The following ASIC2 variants were observed in gnomAD, a reference collection of about 807,000 sequenced individuals.
ASIC2 encodes the protein acid sensing ion channel subunit 2.
A neutral mutation model predicts 57.3 loss-of-function variants in ASIC2; 25 were observed. That is an observed-to-expected ratio of 0.44 (90% CI 0.32 to 0.61). The LOEUF (loss-of-function observed/expected upper bound fraction) is 0.61, where lower values mean the gene tolerates loss of function less well. Ranked by LOEUF, ASIC2 falls within the 20% of genes least tolerant of loss-of-function variation. The pLI, the probability that ASIC2 is intolerant of heterozygous loss-of-function variation, is 0.06. For synonymous variants in ASIC2, 319 were observed against 307.5 expected (o/e 1.04, Z -0.39); for missense variants, 641 against 738.1 (o/e 0.87, Z 1.52).
chr17:33,318,956 G>T (rs1056569888), intron 1 of ASIC2, among the ~76,000 whole-genome samples: 4 of 152,204 alleles, frequency 2.6e-5, no homozygotes, highest in African/African-American at 4.8e-5. Flanking sequence ...GATGGAGAAA[G>T]TCTGTGGGAA....
chr17:33,873,128 T>C (rs1914462043), intron 1 of ASIC2, among the ~76,000 whole-genome samples: 1 of 152,240 alleles, frequency 6.6e-6, no homozygotes, highest in Non-Finnish European at 1.5e-5. Flanking sequence ...CAGAGTGTAC[T>C]ATCTCTCTAA....
At chr17:33,144,177 A>G (rs1327251374) in intron 1 of ASIC2, among the ~76,000 whole-genome samples, 1 of 152,122 alleles carries the variant, frequency 6.6e-6, no homozygotes, top group African/African-American at 2.4e-5. Context: ...AACGAAAAAC[A>G]AAAACAAAAA....
At chr17:34,021,837 G>A (rs1039507356) in intron 1 of ASIC2, among the ~76,000 whole-genome samples, 92 of 118,320 alleles carry the variant, frequency 7.8e-4, no homozygotes, top group Middle Eastern at 9.5e-3. Flanking sequence ...GTTTTGTTTT[G>A]TTTTTTTTTT....
chr17:33,880,018 C>T (rs1475235597), intron 1 of ASIC2, among the ~76,000 whole-genome samples: 16 of 152,086 alleles, frequency 1.1e-4, no homozygotes, highest in African/African-American at 2.7e-4. Flanking sequence ...GGGTACATAA[C>T]GAAATGAAGG....
At chr17:33,174,577 G>A (rs560340138) in intron 1 of ASIC2, among the ~76,000 whole-genome samples, 1 of 152,246 alleles carries the variant, frequency 6.6e-6, no homozygotes, top group African/African-American at 2.4e-5. Context: ...CATCTTAGTG[G>A]GGGCGCGATG....
chr17:33,827,495 CTATTTTTTGT>C (rs1567727069), intron 1 of ASIC2, among the ~76,000 whole-genome samples: 5 of 94,096 alleles, frequency 5.3e-5, no homozygotes, highest in Non-Finnish European at 6.7e-5. Context: ...CCATGCCTGG[CTATTTTTTGT>C]CTTTTTTTTT....
Position 33,767,330 on chromosome 17 carries a change from T to C in ASIC2, c.555+388648A>G, listed in dbSNP as rs1910964223. ...AAATCAGACCACTGGAAATGTACCT[T>C]ATGATGTTGAAGGAAACTCACTCAG... On this transcript the variant is annotated intron_variant, in intron 1 of 9. Transcript: ENST00000359872. Among the ~76,000 whole-genome samples, 3 of 152,326 alleles carry C rather than the reference T, an allele frequency of 2.0e-5. No individual in the cohort carries two copies. The South Asian group carries it at 6.2e-4, about 32-fold the overall frequency.
intron 1 of ASIC2, among the ~76,000 whole-genome samples, chr17:33,566,772 T>C (rs1157817017): frequency 2.0e-5 from 3 of 152,138 alleles, no homozygotes; most frequent in Non-Finnish European, 2.9e-5. Flanking sequence ...CCCCTGCAGC[T>C]AGACACCCAT....
chr17:33,550,716 G>A (rs911516722), intron 1 of ASIC2, among the ~76,000 whole-genome samples: 3 of 152,208 alleles, frequency 2.0e-5, no homozygotes, highest in African/African-American at 7.2e-5. Context: ...CCAGAGTGGA[G>A]AAAACAATAA....
At chr17:33,555,515 G>A (rs537333873) in intron 1 of ASIC2, among the ~76,000 whole-genome samples, 13 of 152,216 alleles carry the variant, frequency 8.5e-5, no homozygotes, top group Admixed American at 1.3e-4. Context: ...AATGAAAAGT[G>A]GAAAAATAAG....
intron 3 of ASIC2, among the ~76,000 whole-genome samples, chr17:33,064,984 G>A (rs2092037087): frequency 6.6e-6 from 1 of 152,142 alleles, no homozygotes; most frequent in African/African-American, 2.4e-5. Context: ...GAGAGGCTTG[G>A]GCTTGAATTA....
chr17:33,087,164 C>T (rs746439759), intron 3 of ASIC2, among the ~76,000 whole-genome samples: 117 of 152,318 alleles, frequency 7.7e-4, no homozygotes, highest in Non-Finnish European at 9.4e-4. Context: ...GGCTGCCTGT[C>T]CATCTGCATG....
chr17:34,059,130 G>A (rs1383140570), intron 1 of ASIC2, among the ~76,000 whole-genome samples: 2 of 152,186 alleles, frequency 1.3e-5, no homozygotes, highest in Non-Finnish European at 2.9e-5. Context: ...CCCTCTGAAG[G>A]AAGTGGACTG....
intron 1 of ASIC2, among the ~76,000 whole-genome samples, chr17:33,868,807 T>C (rs1042663202): frequency 6.6e-6 from 1 of 152,228 alleles, no homozygotes; most frequent in African/African-American, 2.4e-5. Context: ...CTCATACCTG[T>C]AATCCCACCA....
In ASIC2 at chr17:33,417,639, A is replaced by G. The variant is rs116018826; in HGVS notation, c.556-305572T>C. On this transcript the variant is annotated intron_variant, in intron 1 of 9. Transcript: ENST00000359872. ...ATATGAGGTCTGTGCCTCAGAAAAC[A>G]CACTTTCCTTTGCCATGCTGGTTGT... Among the ~76,000 whole-genome samples, 441 of 152,244 alleles carry G rather than the reference A, an allele frequency of 2.9e-3. 3 individuals carry two copies. The highest frequency in any genetic ancestry group is 0.017 in the Middle Eastern group (5 of 294).
intron 1 of ASIC2, among the ~76,000 whole-genome samples, chr17:33,781,116 G>A (rs1419011044): frequency 1.3e-5 from 2 of 152,140 alleles, no homozygotes; most frequent in Non-Finnish European, 2.9e-5. Context: ...GGGGGATGGG[G>A]GTGGTTCCCT....
intron 1 of ASIC2, among the ~76,000 whole-genome samples, chr17:33,626,618 C>T (rs1905992397): frequency 6.6e-6 from 1 of 152,138 alleles, no homozygotes; most frequent in African/African-American, 2.4e-5. Flanking sequence ...GGAGGGGATG[C>T]CCTAATCGAA....
chr17:33,574,410 T>TA (rs138761626), intron 1 of ASIC2, among the ~76,000 whole-genome samples: 4,973 of 152,298 alleles, frequency 0.033, 110 homozygotes, highest in Non-Finnish European at 0.053. Flanking sequence ...CTTATTGATT[T>TA]ATAGCAGGGT....
intron 1 of ASIC2, among the ~76,000 whole-genome samples, chr17:33,484,067 C>T (rs1329977269): frequency 2.0e-5 from 3 of 152,206 alleles, no homozygotes; most frequent in African/African-American, 7.2e-5. Flanking sequence ...ACATTCTCTT[C>T]TCAGAACTTC....
Sources: allele counts gnomAD v4.1 joint callset (sites outside exome capture counted in the v4.1 genomes callset), GRCh38; gene constraint gnomAD v4.1.1; transcripts MANE v1.5; gene names NCBI Gene and HGNC (gene_info 2026-07-23, HGNC 2026-07-21).